SLC9C2: variants seen among roughly 807,000 people sequenced by gnomAD.
SLC9C2 encodes sodium/hydrogen exchanger 11.
In SLC9C2, 75 loss-of-function variants were observed where a neutral mutation model predicts 140.2. That is an observed-to-expected ratio of 0.53 (90% CI 0.44 to 0.65). SLC9C2 has a LOEUF of 0.65. Among genes scored for constraint, SLC9C2 ranks in the 30% least tolerant of loss-of-function variants. The pLI is 0.00. For synonymous variants in SLC9C2, 375 were observed against 420.9 expected, an observed-to-expected ratio of 0.89 and a Z score of 1.34; for missense variants, 1,074 against 1,331.8, an observed-to-expected ratio of 0.81 and a Z score of 3.01.
At chr1:173,564,791 C>A (rs1275651347) in intron 9 of SLC9C2, among the ~76,000 whole-genome samples, 1 of 150,126 alleles carries the variant, frequency 6.7e-6, no homozygotes, top group East Asian at 2.0e-4. Flanking sequence ...GCGCCTGCCA[C>A]CACGCCTGGC....
intron 4 of SLC9C2, among the ~76,000 whole-genome samples, chr1:173,590,941 G>A (rs1666124495): frequency 1.3e-5 from 2 of 152,128 alleles, no homozygotes; most frequent in Non-Finnish European, 2.9e-5. Context: ...CATGTGTAGG[G>A]TTGTTATACA....
chr1:173,596,271 T>A (rs1425967635), intron 4 of SLC9C2: 1 of 152,236 alleles, frequency 6.6e-6, no homozygotes, highest in East Asian at 1.9e-4. Flanking sequence ...TAAGTTTTCA[T>A]GTCTCTTGGG....
chr1:173,561,852 CACAGACACAG>C (rs1218122388), intron 9 of SLC9C2, among the ~76,000 whole-genome samples: 1,392 of 117,482 alleles, frequency 0.012, 31 homozygotes, highest in African/African-American at 0.079. Flanking sequence ...TACACACACA[CACAGACACAG>C]ACACACACAC....
intron 18 of SLC9C2, among the ~76,000 whole-genome samples, chr1:173,529,277 G>A (rs1447952890): frequency 6.6e-6 from 1 of 151,984 alleles, no homozygotes; most frequent in African/African-American, 2.4e-5. Flanking sequence ...GCCCAAAGAA[G>A]CATGAGAATG....
chr1:173,523,055 T>A (rs1660938383), intron 21 of SLC9C2, among the ~76,000 whole-genome samples: 1 of 152,180 alleles, frequency 6.6e-6, no homozygotes, highest in Non-Finnish European at 1.5e-5. Flanking sequence ...TCTGTCTCCA[T>A]CCATACACTA....
chr1:173,513,136 T>C (rs1660165312), intron 23 of SLC9C2, among the ~76,000 whole-genome samples: 1 of 152,164 alleles, frequency 6.6e-6, no homozygotes, highest in Non-Finnish European at 1.5e-5. Context: ...GTTGTTGTTG[T>C]GCCTCTGCCA....
chr1:173,544,997 A>G (rs1015398857), intron 13 of SLC9C2, among the ~76,000 whole-genome samples: 4 of 152,232 alleles, frequency 2.6e-5, no homozygotes, highest in African/African-American at 9.6e-5. Context: ...CCTAGAACTT[A>G]AAGTATAATT....
At chr1:173,556,376 G>A (rs919114954) in intron 10 of SLC9C2, among the ~76,000 whole-genome samples, 2 of 152,236 alleles carry the variant, frequency 1.3e-5, no homozygotes, top group South Asian at 2.1e-4. Context: ...GAGTGGAAAG[G>A]AAACCAAGTT....
intron 5 of SLC9C2, 51 bp downstream of exon 5, chr1:173,587,614 T>A (rs1665930480): frequency 1.3e-6 from 2 of 1,493,742 alleles, no homozygotes; most frequent in Non-Finnish European, 1.8e-6. Context: ...CAAAAGAAAA[T>A]AATGTACCCT....
chr1:173,501,383 A>G (rs985885112), intron 27 of SLC9C2, among the ~76,000 whole-genome samples: 4 of 152,158 alleles, frequency 2.6e-5, no homozygotes, highest in African/African-American at 9.7e-5. Context: ...TTGAATTCCA[A>G]TTAACTTTAT....
At position 173,573,224 on chromosome 1, in the gene SLC9C2, A is replaced by G. The variant is rs1664950193; in HGVS notation, c.1004T>C (p.Ile335Thr). 1 of 1,573,048 alleles carries G rather than the reference A, an allele frequency of 6.4e-7. No individual in the cohort carries two copies. The highest frequency in any genetic ancestry group is 1.7e-5 in the Admixed American group (1 of 58,444). Residue 335 changes from isoleucine (I) to threonine (T), a missense_variant, in exon 9 of 28, where the codon ATA (isoleucine) becomes ACA (threonine). Physicochemically the swap from Ile to Thr is moderately conservative, Grantham distance 89. Transcript: ENST00000367714. Reference sequence around the variant, plus strand: ...TGTAAATAAAATGAATATGAAAGGTATAGTGTGAAATTCATAGTGGCTGAG... The same window carrying G: ...TGTAAATAAAATGAATATGAAAGGTGTAGTGTGAAATTCATAGTGGCTGAG... ...GELSHYEFHTIPFIFILFTTV... is the reference protein window; with the variant it reads ...GELSHYEFHTTPFIFILFTTV...
At chr1:173,522,213 C>G (rs1458942704) in intron 21 of SLC9C2, among the ~76,000 whole-genome samples, 2 of 114,380 alleles carry the variant, frequency 1.7e-5, no homozygotes, top group African/African-American at 8.0e-5. Context: ...CAGAGTGAGA[C>G]TCCATCTCAA....
intron 4 of SLC9C2, among the ~76,000 whole-genome samples, chr1:173,593,323 C>T (rs1666275636): frequency 6.6e-6 from 1 of 152,092 alleles, no homozygotes; most frequent in Admixed American, 6.6e-5. Flanking sequence ...AGTTTGAGAC[C>T]AGCCTGGCCA....
intron 10 of SLC9C2, among the ~76,000 whole-genome samples, chr1:173,555,937 C>G (rs1475520999): frequency 6.6e-6 from 1 of 152,152 alleles, no homozygotes; most frequent in Non-Finnish European, 1.5e-5. Flanking sequence ...ATGGAGAGGT[C>G]AATAGTTGCT....
At chr1:173,561,573 T>A (rs1664110904) in intron 9 of SLC9C2, among the ~76,000 whole-genome samples, 1 of 151,790 alleles carries the variant, frequency 6.6e-6, no homozygotes, top group Non-Finnish European at 1.5e-5. Context: ...AAATGTGGGG[T>A]CCTGCTGATG....
intron 24 of SLC9C2, among the ~76,000 whole-genome samples, chr1:173,508,114 C>A (rs1402621866): frequency 6.6e-6 from 1 of 151,448 alleles, no homozygotes. Context: ...AACTGGGAAC[C>A]AAAAACATTT....
At chr1:173,550,882 G>A (rs1663241471) in intron 11 of SLC9C2, among the ~76,000 whole-genome samples, 1 of 82,372 alleles carries the variant, frequency 1.2e-5, no homozygotes, top group South Asian at 6.9e-4. Flanking sequence ...AAGAGAGAGA[G>A]AGAGAGAGAG....
At chr1:173,591,256 T>C (rs567847630) in intron 4 of SLC9C2, among the ~76,000 whole-genome samples, 9 of 152,292 alleles carry the variant, frequency 5.9e-5, no homozygotes, top group African/African-American at 1.9e-4. Flanking sequence ...AATATGTACA[T>C]TTTCTTTATA....
chr1:173,500,903 A>C lies in SLC9C2; in HGVS notation c.*191T>G. ...AAATATAATGCAACTACTTAAAATTAAGAAGTTTTACAGAAGTCCATCCAT... is the reference window on the plus strand; with the variant it reads ...AAATATAATGCAACTACTTAAAATTCAGAAGTTTTACAGAAGTCCATCCAT... On this transcript the variant is annotated 3_prime_UTR_variant, in exon 28 of 28. Transcript: ENST00000367714. 2.1e-6 allele frequency: 1 copy of C among 478,202 alleles called. No individual in the cohort carries two copies. The allele number at this position is 478,202 out of a possible 1,614,324, so 29.6% of individuals were successfully genotyped here. A position where few individuals can be genotyped will look rare whatever the true frequency, so the allele number is the denominator to read the frequency against.
Sources: allele counts gnomAD v4.1 joint callset (sites outside exome capture counted in the v4.1 genomes callset), GRCh38; gene constraint gnomAD v4.1.1; transcripts MANE v1.5; gene names NCBI Gene and HGNC (gene_info 2026-07-23, HGNC 2026-07-21).